PFDN1: variants seen among roughly 807,000 people sequenced by gnomAD.
The protein encoded by PFDN1 is prefoldin subunit 1.
Under a neutral mutation model 17.3 loss-of-function variants are expected in PFDN1, and 6 were observed. That is an observed-to-expected ratio of 0.35 (90% CI 0.19 to 0.69). The LOEUF (loss-of-function observed/expected upper bound fraction) is 0.69. PFDN1 is among the 30% of genes least tolerant of loss of function. The probability of loss-of-function intolerance (pLI) is 0.65; values close to 1 mark genes in which losing one functional copy is unlikely to be tolerated. For synonymous variants in PFDN1, 58 were observed against 50.1 expected (o/e 1.16, Z -0.67); for missense variants, 113 against 146.2 (o/e 0.77, Z 1.17).
intron 3 of PFDN1, among the ~76,000 whole-genome samples, chr5:140,249,035 T>C (rs1283536257): frequency 6.6e-6 from 1 of 152,194 alleles, no homozygotes; most frequent in Admixed American, 6.5e-5. Flanking sequence ...GGACAGGACA[T>C]CCCTAACATA....
At chr5:140,288,748 GC>G (rs1271818444) in intron 2 of PFDN1, among the ~76,000 whole-genome samples, 1 of 152,104 alleles carries the variant, frequency 6.6e-6, no homozygotes, top group Non-Finnish European at 1.5e-5. Context: ...ACTTGGGGAG[GC>G]CAAGGCGGGC....
intron 3 of PFDN1, among the ~76,000 whole-genome samples, chr5:140,251,753 C>T (rs1356952598): frequency 6.6e-6 from 1 of 152,152 alleles, no homozygotes; most frequent in Non-Finnish European, 1.5e-5. Flanking sequence ...AGGGAAATGA[C>T]ATTGTTGGAG....
chr5:140,271,498 A>C (rs963303369), intron 3 of PFDN1, among the ~76,000 whole-genome samples: 7 of 152,206 alleles, frequency 4.6e-5, no homozygotes, highest in Non-Finnish European at 1.0e-4. Flanking sequence ...AAATTTTAAA[A>C]AGACATCCAT....
rs1307815299 is a variant in PFDN1 at position 140,302,929 on chromosome 5, T to A, written c.33+112A>T. ...AGGACTCTGGGAAACCATTCCCTAG[T>A]CCACTGGACCCTCCTTCCTTCTGCA... On this transcript the variant is annotated intron_variant, in intron 1 of 3. Coordinates refer to ENST00000261813, the MANE Select transcript of PFDN1 (RefSeq NM_002622.5). 1.2e-5 allele frequency: 10 copies of A among 828,970 alleles called. No homozygotes were observed. The Admixed American group carries it at 1.7e-4, about 14-fold the overall frequency. The allele number at this position is 828,970 out of a possible 1,614,324, so 51.4% of individuals were successfully genotyped here.
chr5:140,263,995 TG>T (rs1200474249), intron 3 of PFDN1, among the ~76,000 whole-genome samples: 1 of 109,656 alleles, frequency 9.1e-6, no homozygotes, highest in African/African-American at 3.6e-5. Flanking sequence ...CACTCCAGCC[TG>T]GGGGTCAGAG....
intron 3 of PFDN1, among the ~76,000 whole-genome samples, chr5:140,272,240 G>C (rs1385880280): frequency 6.6e-6 from 1 of 151,994 alleles, no homozygotes; most frequent in Non-Finnish European, 1.5e-5. Flanking sequence ...GGCTGGCCTT[G>C]AACTCCTGAC....
chr5:140,298,558 T>C (rs958499833), intron 2 of PFDN1, among the ~76,000 whole-genome samples: 1 of 152,188 alleles, frequency 6.6e-6, no homozygotes, highest in African/African-American at 2.4e-5. Flanking sequence ...CATTCCTTTT[T>C]TTCTGCTTAC....
At chr5:140,261,840 G>A (rs1467059019) in intron 3 of PFDN1, among the ~76,000 whole-genome samples, 1 of 151,778 alleles carries the variant, frequency 6.6e-6, no homozygotes, top group African/African-American at 2.4e-5. Context: ...GTGTTCTGAG[G>A]GGTATTGAGA....
intron 3 of PFDN1, among the ~76,000 whole-genome samples, chr5:140,272,732 G>A (rs908082146): frequency 1.3e-5 from 2 of 152,152 alleles, no homozygotes; most frequent in Non-Finnish European, 2.9e-5. Context: ...GGAGAGGCAG[G>A]CAGGGATGGC....
intron 2 of PFDN1, among the ~76,000 whole-genome samples, chr5:140,294,747 C>T (rs1004153079): frequency 1.3e-5 from 2 of 152,046 alleles, no homozygotes; most frequent in African/African-American, 2.4e-5. Flanking sequence ...TCACTTTCTA[C>T]TTATGCCACA....
chr5:140,299,045 C>T (rs1765695849), intron 2 of PFDN1, among the ~76,000 whole-genome samples: 1 of 152,124 alleles, frequency 6.6e-6, no homozygotes, highest in African/African-American at 2.4e-5. Flanking sequence ...GCCACTATGC[C>T]TGGCCAGAAT....
chr5:140,266,842 T>C (rs560624485), intron 3 of PFDN1, among the ~76,000 whole-genome samples: 12 of 152,374 alleles, frequency 7.9e-5, no homozygotes, highest in African/African-American at 2.4e-4. Context: ...GCTGTCTCTA[T>C]AGAGAGCTGC....
At chr5:140,278,939 A>T (rs1349167597) in intron 3 of PFDN1, among the ~76,000 whole-genome samples, 1 of 152,204 alleles carries the variant, frequency 6.6e-6, no homozygotes, top group Non-Finnish European at 1.5e-5. Flanking sequence ...ATACTGTTAA[A>T]AGCACAGATT....
At chr5:140,283,936 A>C (rs934176397) in intron 2 of PFDN1, among the ~76,000 whole-genome samples, 6 of 152,356 alleles carry the variant, frequency 3.9e-5, no homozygotes, top group African/African-American at 1.4e-4. Context: ...ATTTTTAAGT[A>C]GCACTGATAG....
At chr5:140,278,571 A>C (rs1189619156) in intron 3 of PFDN1, among the ~76,000 whole-genome samples, 6 of 150,512 alleles carry the variant, frequency 4.0e-5, no homozygotes, top group Non-Finnish European at 7.4e-5. Flanking sequence ...AAAAAAAAAA[A>C]AAAAAAAAAA....
chr5:140,266,280 C>A (rs1765132712), intron 3 of PFDN1, among the ~76,000 whole-genome samples: 1 of 152,208 alleles, frequency 6.6e-6, no homozygotes, highest in Non-Finnish European at 1.5e-5. Flanking sequence ...CTGTCACCAT[C>A]CTGGTCCAAC....
At chr5:140,298,982 C>T (rs774108611) in intron 2 of PFDN1, among the ~76,000 whole-genome samples, 5 of 152,100 alleles carry the variant, frequency 3.3e-5, no homozygotes, top group Non-Finnish European at 7.4e-5. Flanking sequence ...AACCCCTAAC[C>T]TCAGGGGATC....
rs1367790993 is a variant in PFDN1 at position 140,245,778 on chromosome 5, G to A, written c.*196C>T. ...AGAGGGAAGAGTGTCCTGGGCAGAG[G>A]TGGCAGGCAAAGCCGGGTAAAAACT... On this transcript the variant is annotated 3_prime_UTR_variant, in exon 4 of 4. Coordinates refer to ENST00000261813, the MANE Select transcript of PFDN1 (RefSeq NM_002622.5). The A allele has an allele frequency of 8.2e-6, 5 of 612,942 alleles. No homozygotes were observed. The Admixed American group carries it at 8.4e-5, about 10-fold the overall frequency. The allele number at this position is 612,942 out of a possible 1,614,324, so 38.0% of individuals were successfully genotyped here.
chr5:140,252,706 C>A (rs1024661423), intron 3 of PFDN1, among the ~76,000 whole-genome samples: 4 of 152,148 alleles, frequency 2.6e-5, no homozygotes, highest in Non-Finnish European at 5.9e-5. Flanking sequence ...GCTGAAGAAG[C>A]ATGTTTTGAT....
Sources: allele counts gnomAD v4.1 joint callset (sites outside exome capture counted in the v4.1 genomes callset), GRCh38; gene constraint gnomAD v4.1.1; transcripts MANE v1.5; gene names NCBI Gene and HGNC (gene_info 2026-07-23, HGNC 2026-07-21).